OSBPL8: variants seen among roughly 807,000 people sequenced by gnomAD.
The protein encoded by OSBPL8 is oxysterol-binding protein-related protein 8.
In OSBPL8, 59 loss-of-function variants were observed where a neutral mutation model predicts 125.5. The observed-to-expected ratio is 0.47, with a 90% CI of 0.38 to 0.58. The LOEUF is 0.58. Ranked by LOEUF, OSBPL8 falls within the 20% of genes least tolerant of loss-of-function variation. OSBPL8 has a pLI of 0.00. For missense variants in OSBPL8, 758 were observed against 1,047.8 expected (o/e 0.72, Z 3.82); for synonymous variants, 330 against 338.9 (o/e 0.97, Z 0.29).
At chr12:76,488,291 A>G (rs941013687) in intron 1 of OSBPL8, among the ~76,000 whole-genome samples, 2 of 152,244 alleles carry the variant, frequency 1.3e-5, no homozygotes, top group Non-Finnish European at 2.9e-5. Context: ...ATCACAACAC[A>G]TAAGGTGGGA....
chr12:76,379,616 T>C (rs1003980338), intron 15 of OSBPL8, among the ~76,000 whole-genome samples: 1 of 152,216 alleles, frequency 6.6e-6, no homozygotes, highest in East Asian at 1.9e-4. Context: ...GATGGCATTA[T>C]AGAATATGTA....
chr12:76,438,012 AGTCTTGCTCT>A (rs887839883), intron 4 of OSBPL8, among the ~76,000 whole-genome samples: 1 of 151,974 alleles, frequency 6.6e-6, no homozygotes, highest in Admixed American at 6.6e-5. Flanking sequence ...TTTGAGACGG[AGTCTTGCTCT>A]GTCGCCCAGG....
chr12:76,430,884 T>A (rs556945998), intron 4 of OSBPL8, among the ~76,000 whole-genome samples: 2 of 152,110 alleles, frequency 1.3e-5, no homozygotes. Flanking sequence ...GTTCTTCAAG[T>A]TAGAATGAGA....
At chr12:76,434,294 T>C (rs1010009913) in intron 4 of OSBPL8, among the ~76,000 whole-genome samples, 1 of 152,122 alleles carries the variant, frequency 6.6e-6, no homozygotes, top group South Asian at 2.1e-4. Context: ...ACAAACTGGA[T>C]ACCCACATGC....
At chr12:76,429,689 A>C (rs1870582614) in intron 4 of OSBPL8, among the ~76,000 whole-genome samples, 2 of 152,068 alleles carry the variant, frequency 1.3e-5, no homozygotes. Context: ...ATATAAAAGG[A>C]GTATTCTTGT....
intron 4 of OSBPL8, among the ~76,000 whole-genome samples, chr12:76,420,547 G>A (rs1484461403): frequency 1.3e-5 from 2 of 151,894 alleles, no homozygotes; most frequent in Non-Finnish European, 2.9e-5. Context: ...TATTTATTAA[G>A]GCAGAAGTGG....
intron 2 of OSBPL8, among the ~76,000 whole-genome samples, chr12:76,461,519 C>T (rs903870905): frequency 2.0e-5 from 3 of 151,268 alleles, no homozygotes; most frequent in Admixed American, 6.6e-5. Flanking sequence ...GGTGTGATCT[C>T]GGCTCACTGC....
chr12:76,526,122 CA>C (rs1436537867), intron 1 of OSBPL8, among the ~76,000 whole-genome samples: 1 of 152,194 alleles, frequency 6.6e-6, no homozygotes, highest in Non-Finnish European at 1.5e-5. Flanking sequence ...TGTTCTTATA[CA>C]CACTATTTCA....
chr12:76,512,912 G>T (rs1462398245), intron 1 of OSBPL8, among the ~76,000 whole-genome samples: 2 of 152,176 alleles, frequency 1.3e-5, no homozygotes, highest in East Asian at 3.9e-4. Context: ...TCCCCAGTTA[G>T]CTATATTCCT....
At chr12:76,423,622 A>G (rs1869781468) in intron 4 of OSBPL8, among the ~76,000 whole-genome samples, 1 of 152,204 alleles carries the variant, frequency 6.6e-6, no homozygotes, top group African/African-American at 2.4e-5. Context: ...TCTAACAGGT[A>G]CCATCTGTTT....
intron 21 of OSBPL8, among the ~76,000 whole-genome samples, chr12:76,367,737 G>A (rs984171458): frequency 5.9e-5 from 9 of 151,610 alleles, no homozygotes; most frequent in Admixed American, 3.3e-4. Flanking sequence ...TTCATTTGTG[G>A]TTACTATGGG....
chr12:76,455,608 T>A (rs529653195), intron 3 of OSBPL8, among the ~76,000 whole-genome samples: 3 of 152,178 alleles, frequency 2.0e-5, no homozygotes. Flanking sequence ...AACAGCAGTA[T>A]ACAGAGTGCA....
chr12:76,475,249 C>A (rs1243243977), intron 2 of OSBPL8, among the ~76,000 whole-genome samples: 1 of 145,610 alleles, frequency 6.9e-6, no homozygotes, highest in South Asian at 2.1e-4. Flanking sequence ...TCTGGCATGT[C>A]TTAAAACTTG....
In OSBPL8 at chr12:76,356,776, G is replaced by A. The variant is rs776023164; in HGVS notation, c.2435-48C>T. 5 of 1,312,976 alleles carry A rather than the reference G, an allele frequency of 3.8e-6. No homozygotes were observed. The African/African-American group carries it at 7.4e-5, about 19-fold the overall frequency. 81.3% of individuals were successfully genotyped at this position (1,312,976 alleles called of 1,614,324 possible). A position where few individuals can be genotyped will look rare whatever the true frequency, so the allele number is the denominator to read the frequency against. On this transcript the variant is annotated intron_variant, in intron 22 of 23. Transcript: ENST00000261183. ...GTTGAAACTATAAAAATAATCTACA[G>A]TTCAATTTAATGTGTCTCATGTAAT...
intron 1 of OSBPL8, among the ~76,000 whole-genome samples, chr12:76,545,207 T>C (rs1950750838): frequency 6.6e-6 from 1 of 152,198 alleles, no homozygotes; most frequent in African/African-American, 2.4e-5. Context: ...CTGGCAACCA[T>C]ATATTAATAA....
intron 4 of OSBPL8, among the ~76,000 whole-genome samples, chr12:76,418,962 A>G (rs1224532515): frequency 1.3e-5 from 2 of 151,966 alleles, no homozygotes; most frequent in Admixed American, 1.3e-4. Context: ...TAGGCTGGGC[A>G]TGATGGCTCA....
At chr12:76,409,679 T>G (rs1389896630) in intron 5 of OSBPL8, among the ~76,000 whole-genome samples, 2 of 152,186 alleles carry the variant, frequency 1.3e-5, no homozygotes, top group Non-Finnish European at 2.9e-5. Flanking sequence ...TACTTTACAC[T>G]AATATGATAG....
At chr12:76,474,850 C>A (rs939771956) in intron 2 of OSBPL8, among the ~76,000 whole-genome samples, 49 of 152,084 alleles carry the variant, frequency 3.2e-4, no homozygotes, top group African/African-American at 8.7e-4. Flanking sequence ...AATTCATCAC[C>A]CAATCCCCAA....
chr12:76,478,073 G>A (rs927794352), intron 2 of OSBPL8, among the ~76,000 whole-genome samples: 5 of 151,916 alleles, frequency 3.3e-5, no homozygotes, highest in African/African-American at 9.7e-5. Context: ...GCATGGTGGT[G>A]CGCCTGTAAT....
Sources: gnomAD v4.1 joint callset for allele counts (sites outside exome capture counted in the v4.1 genomes callset) on GRCh38, gnomAD v4.1.1 for gene constraint, MANE v1.5 for transcripts, NCBI Gene and HGNC (gene_info 2026-07-23, HGNC 2026-07-21) for gene names.